Variants in TMEM245 observed in about 807,000 individuals in gnomAD.
TMEM245 encodes the protein protein CG-2.
In TMEM245, 69 loss-of-function variants were observed where a neutral mutation model predicts 101.2. The observed-to-expected ratio is 0.68, with a 90% CI of 0.56 to 0.83. The LOEUF (loss-of-function observed/expected upper bound fraction) is 0.83. Among genes scored for constraint, TMEM245 ranks in the 40% least tolerant of loss-of-function variants. The pLI, the probability that TMEM245 is intolerant of heterozygous loss-of-function variation, is 0.00. For missense variants in TMEM245, 1,075 were observed against 1,092.8 expected, an observed-to-expected ratio of 0.98 and a Z score of 0.23; for synonymous variants, 537 against 449.8, an observed-to-expected ratio of 1.19 and a Z score of -2.45.
intron 1 of TMEM245, among the ~76,000 whole-genome samples, chr9:109,117,905 C>A (rs1335378549): frequency 6.6e-6 from 1 of 152,206 alleles, no homozygotes; most frequent in African/African-American, 2.4e-5. Context: ...AAGAAGCATT[C>A]GATCCACTTA....
chr9:109,041,334 G>A (rs1828298257), intron 14 of TMEM245, among the ~76,000 whole-genome samples: 2 of 151,982 alleles, frequency 1.3e-5, no homozygotes, highest in Admixed American at 1.3e-4. Context: ...AGATGATCCT[G>A]GAGGACATTA....
intron 14 of TMEM245, among the ~76,000 whole-genome samples, chr9:109,042,916 G>T (rs1299986149): frequency 6.8e-6 from 1 of 146,132 alleles, no homozygotes; most frequent in Non-Finnish European, 1.5e-5. Context: ...TGCAATCCTG[G>T]CTCATTGCAA....
chr9:109,045,348 G>A (rs988647041), intron 14 of TMEM245, among the ~76,000 whole-genome samples: 6 of 152,102 alleles, frequency 3.9e-5, no homozygotes, highest in South Asian at 2.1e-4. Context: ...TGAGGGGAAC[G>A]GCCGAGCTGC....
intron 3 of TMEM245, among the ~76,000 whole-genome samples, chr9:109,103,898 CA>C (rs1830340705): frequency 6.6e-6 from 1 of 151,996 alleles, no homozygotes; most frequent in Non-Finnish European, 1.5e-5. Flanking sequence ...CCAGCCTGGC[CA>C]ACATGGTGAA....
At chr9:109,111,514 C>G (rs1419490868) in intron 1 of TMEM245, among the ~76,000 whole-genome samples, 1 of 152,116 alleles carries the variant, frequency 6.6e-6, no homozygotes, top group Non-Finnish European at 1.5e-5. Flanking sequence ...CATGTATTTT[C>G]ATCTATCAAC....
chr9:109,063,003 A>C (rs1480095535), intron 10 of TMEM245, among the ~76,000 whole-genome samples: 1 of 152,204 alleles, frequency 6.6e-6, no homozygotes, highest in Non-Finnish European at 1.5e-5. Context: ...ACATCACTGA[A>C]ACACAAGTAC....
chr9:109,043,769 T>C (rs1454994751), intron 14 of TMEM245, among the ~76,000 whole-genome samples: 1 of 152,182 alleles, frequency 6.6e-6, no homozygotes, highest in African/African-American at 2.4e-5. Flanking sequence ...TACACAGTCT[T>C]AGAGATGTTC....
intron 5 of TMEM245, among the ~76,000 whole-genome samples, chr9:109,090,446 G>A (rs144607044): frequency 6.6e-6 from 1 of 152,104 alleles, no homozygotes; most frequent in East Asian, 1.9e-4. Context: ...ATACTGGCCG[G>A]GCGCGGTGGC....
chr9:109,044,679 T>C (rs1014359895), intron 14 of TMEM245, among the ~76,000 whole-genome samples: 47 of 152,054 alleles, frequency 3.1e-4, no homozygotes, highest in African/African-American at 1.0e-3. Context: ...ATGGGGTACA[T>C]AATAATGTTT....
chr9:109,084,647 C>T (rs1829781725), intron 7 of TMEM245, among the ~76,000 whole-genome samples: 1 of 152,186 alleles, frequency 6.6e-6, no homozygotes, highest in Admixed American at 6.5e-5. Flanking sequence ...GCCACTGCTC[C>T]AGCCTGAGCA....
intron 1 of TMEM245, among the ~76,000 whole-genome samples, chr9:109,113,110 G>A (rs1052480255): frequency 3.3e-5 from 5 of 152,162 alleles, no homozygotes; most frequent in Admixed American, 3.3e-4. Context: ...GAAGGAAAGG[G>A]ATAATTCACT....
chr9:109,031,987 T>C (rs1031555054), intron 17 of TMEM245, among the ~76,000 whole-genome samples: 1 of 152,222 alleles, frequency 6.6e-6, no homozygotes. Flanking sequence ...AAAATTGAAA[T>C]GCCGGTACAA....
At chr9:109,079,617 G>C (rs1829611302) in intron 8 of TMEM245, among the ~76,000 whole-genome samples, 1 of 152,104 alleles carries the variant, frequency 6.6e-6, no homozygotes, top group African/African-American at 2.4e-5. Context: ...AAATGGTTCA[G>C]TAATACTTGT....
intron 8 of TMEM245, among the ~76,000 whole-genome samples, chr9:109,078,137 G>C (rs1388357565): frequency 6.6e-6 from 1 of 151,940 alleles, no homozygotes; most frequent in African/African-American, 2.4e-5. Flanking sequence ...AGTTAATATT[G>C]ACTTATATCC....
Position 109,071,178 on chromosome 9 carries a change from C to T in TMEM245, c.1532+2178G>A, listed in dbSNP as rs571426241. Reference sequence around the variant, plus strand: ...TTACAGGCGTGAGCCACCCACCGCACCTGGCCAACATACTTATTTTGAGAG... The same window carrying T: ...TTACAGGCGTGAGCCACCCACCGCATCTGGCCAACATACTTATTTTGAGAG... On this transcript the variant is annotated intron_variant, in intron 9 of 17. Coordinates refer to ENST00000374586, the MANE Select transcript of TMEM245 (RefSeq NM_032012.4). 3.3e-5 allele frequency among the ~76,000 whole-genome samples: 5 copies of T among 152,166 alleles called. No homozygotes were observed. In the South Asian group the frequency reaches 1.0e-3, roughly 32 times the overall value.
chr9:109,093,146 G>C (rs1830053095), intron 4 of TMEM245, among the ~76,000 whole-genome samples: 4 of 151,918 alleles, frequency 2.6e-5, no homozygotes, highest in Admixed American at 2.6e-4. Flanking sequence ...AGGGAAATGT[G>C]GGAAAGGTAA....
chr9:109,092,134 T>G (rs73654222), intron 4 of TMEM245, among the ~76,000 whole-genome samples: 3,354 of 152,338 alleles, frequency 0.022, 121 homozygotes, highest in African/African-American at 0.077. Context: ...TTCTCTTCAG[T>G]TGAAAGTCAG....
At chr9:109,051,921 G>C (rs150500045) in intron 12 of TMEM245, among the ~76,000 whole-genome samples, 121 of 152,162 alleles carry the variant, frequency 8.0e-4, no homozygotes, top group African/African-American at 2.9e-3. Context: ...CAACAGACAG[G>C]GACAAGAGCA....
intron 14 of TMEM245, among the ~76,000 whole-genome samples, chr9:109,040,229 C>T (rs1010736953): frequency 4.6e-5 from 7 of 152,170 alleles, no homozygotes; most frequent in Non-Finnish European, 7.3e-5. Flanking sequence ...TGATCTGGCA[C>T]ACAAGTTTTA....
Sources: allele counts gnomAD v4.1 joint callset (sites outside exome capture counted in the v4.1 genomes callset), GRCh38; gene constraint gnomAD v4.1.1; transcripts MANE v1.5; gene names NCBI Gene and HGNC (gene_info 2026-07-23, HGNC 2026-07-21).